Variants in JAM3 observed in about 807,000 individuals in gnomAD.
The protein encoded by JAM3 is junctional adhesion molecule 3.
JAM3 carries 31 observed loss-of-function variants against 39.4 expected under a neutral mutation model. The ratio of observed to expected loss-of-function variants is 0.79; its 90% CI spans 0.59 to 1.06. The LOEUF (loss-of-function observed/expected upper bound fraction) is 1.06. JAM3 is among the 50% of genes least tolerant of loss of function. The pLI, the probability that JAM3 is intolerant of heterozygous loss-of-function variation, is 0.00. For missense variants in JAM3, 455 were observed against 391.4 expected, an observed-to-expected ratio of 1.16 and a Z score of -1.37; for synonymous variants, 182 against 148.7, an observed-to-expected ratio of 1.22 and a Z score of -1.63.
intron 1 of JAM3, among the ~76,000 whole-genome samples, chr11:134,114,281 CTGAA>C (rs1942378554): frequency 6.6e-6 from 1 of 152,010 alleles, no homozygotes; most frequent in Non-Finnish European, 1.5e-5. Flanking sequence ...TGCCTATGTC[CTGAA>C]TGGTTTTCTT....
At chr11:134,139,703 T>C (rs1227156526) in intron 1 of JAM3, 148 bp from the exon 2 acceptor site, 5 of 689,164 alleles carry the variant, frequency 7.3e-6, no homozygotes, top group Non-Finnish European at 1.3e-5. Flanking sequence ...TAACTTGGCT[T>C]ACCTAAGAGA....
At chr11:134,128,899 A>G (rs1470307571) in intron 1 of JAM3, among the ~76,000 whole-genome samples, 1 of 152,054 alleles carries the variant, frequency 6.6e-6, no homozygotes, top group Non-Finnish European at 1.5e-5. Flanking sequence ...TCCCCTCTGT[A>G]TTAGTTTACT....
chr11:134,145,783 T>C (rs1943059746), intron 5 of JAM3, among the ~76,000 whole-genome samples, 163 bp from the exon 6 acceptor site: 1 of 152,152 alleles, frequency 6.6e-6, no homozygotes, highest in African/African-American at 2.4e-5. Flanking sequence ...TGGGGAGCTG[T>C]CAGGCAGGTA....
intron 1 of JAM3, among the ~76,000 whole-genome samples, chr11:134,129,875 G>T (rs577293774): frequency 6.6e-6 from 1 of 152,040 alleles, no homozygotes; most frequent in Non-Finnish European, 1.5e-5. Flanking sequence ...GGTGGCAGGC[G>T]CCTACAGTCC....
At chr11:134,071,399 G>A (rs766918924) in intron 1 of JAM3, among the ~76,000 whole-genome samples, 11 of 152,130 alleles carry the variant, frequency 7.2e-5, no homozygotes, top group Non-Finnish European at 1.3e-4. Flanking sequence ...TCCATTTGAC[G>A]GTGGAGTTCT....
intron 1 of JAM3, among the ~76,000 whole-genome samples, chr11:134,114,376 G>A (rs752578411): frequency 2.6e-5 from 4 of 152,096 alleles, no homozygotes; most frequent in Non-Finnish European, 5.9e-5. Flanking sequence ...TGTGAGGAAC[G>A]GATCCAGTTT....
At chr11:134,128,080 GGAAAA>G (rs1385901667) in intron 1 of JAM3, among the ~76,000 whole-genome samples, 54 of 152,018 alleles carry the variant, frequency 3.6e-4, no homozygotes, top group Non-Finnish European at 2.4e-4. Context: ...AAAAAAAAAA[GGAAAA>G]GAAAGAAAAA....
At chr11:134,120,485 C>CATTA (rs1176973305) in intron 1 of JAM3, among the ~76,000 whole-genome samples, 2 of 152,148 alleles carry the variant, frequency 1.3e-5, no homozygotes, top group Non-Finnish European at 2.9e-5. Flanking sequence ...AGTATAAACC[C>CATTA]AAATTAATTT....
intron 1 of JAM3, among the ~76,000 whole-genome samples, chr11:134,074,655 A>G (rs140046926): frequency 1.1e-4 from 16 of 152,266 alleles, no homozygotes; most frequent in African/African-American, 3.9e-4. Context: ...TTTTGAACAC[A>G]CTGACAAAAC....
At chr11:134,128,682 A>G (rs1942702716) in intron 1 of JAM3, among the ~76,000 whole-genome samples, 1 of 151,916 alleles carries the variant, frequency 6.6e-6, no homozygotes, top group African/African-American at 2.4e-5. Flanking sequence ...CTTTGTGAAG[A>G]AGGTGCCTGC....
chr11:134,118,035 G>A (rs1052061790), intron 1 of JAM3, among the ~76,000 whole-genome samples: 1 of 152,196 alleles, frequency 6.6e-6, no homozygotes, highest in Non-Finnish European at 1.5e-5. Context: ...GTAATCACAT[G>A]CAAATAGTGT....
At chr11:134,108,699 C>T (rs1011135203) in intron 1 of JAM3, among the ~76,000 whole-genome samples, 4 of 152,134 alleles carry the variant, frequency 2.6e-5, no homozygotes, top group Non-Finnish European at 4.4e-5. Flanking sequence ...CACCATATTA[C>T]ATTCTCAACA....
chr11:134,127,362 C>T (rs530511821), intron 1 of JAM3, among the ~76,000 whole-genome samples: 3 of 152,292 alleles, frequency 2.0e-5, no homozygotes, highest in Non-Finnish European at 2.9e-5. Context: ...GCCCTGGTTT[C>T]AAGAATAAGA....
In JAM3 at chr11:134,150,115, C is replaced by T. The variant is rs1445971394; in HGVS notation, c.*934C>T. The T allele has an allele frequency of 2.6e-5, 4 of 154,738 alleles. No individual in the cohort carries two copies. Among genetic ancestry groups the T allele is most frequent in the East Asian group, 1.9e-4 (1 of 5,270 alleles). 9.6% of individuals were successfully genotyped at this position (154,738 alleles called of 1,614,324 possible). On this transcript the variant is annotated 3_prime_UTR_variant, in exon 9 of 9. Transcript: ENST00000299106. ...TTAAGAGTATTTTACCCAAGGAATC[C>T]TCTCATGGAAGTTTACTGTGATGTT...
At chr11:134,077,149 T>C (rs538662419) in intron 1 of JAM3, among the ~76,000 whole-genome samples, 1 of 152,090 alleles carries the variant, frequency 6.6e-6, no homozygotes, top group Admixed American at 6.6e-5. Flanking sequence ...TTTTGATTAT[T>C]TAATAGCCAT....
Position 134,134,410 on chromosome 11 carries a change from A to C in JAM3, c.77-5441A>C, listed in dbSNP as rs1019207331. On this transcript the variant is annotated intron_variant, in intron 1 of 8. Transcript: ENST00000299106. ...ACAGGATAAATGCCAAAAAAAAAAAAAAAAAAAAAAAACATCTAGGCATAT... is the reference window on the plus strand; with the variant it reads ...ACAGGATAAATGCCAAAAAAAAAAACAAAAAAAAAAAACATCTAGGCATAT... 6.6e-5 allele frequency among the ~76,000 whole-genome samples: 10 copies of C among 151,140 alleles called. No individual in the cohort carries two copies. In the East Asian group the frequency reaches 9.6e-4, roughly 15 times the overall value.
At chr11:134,132,272 T>C (rs1291910240) in intron 1 of JAM3, among the ~76,000 whole-genome samples, 1 of 152,198 alleles carries the variant, frequency 6.6e-6, no homozygotes, top group African/African-American at 2.4e-5. Context: ...AGTGGGGTGA[T>C]ATATTTAAAG....
intron 1 of JAM3, among the ~76,000 whole-genome samples, chr11:134,117,248 G>T (rs534715752): frequency 6.6e-6 from 1 of 152,012 alleles, no homozygotes; most frequent in East Asian, 1.9e-4. Context: ...ATGGTGGTGG[G>T]CACCTGTAAT....
At chr11:134,105,051 AAAAG>A (rs1287120571) in intron 1 of JAM3, among the ~76,000 whole-genome samples, 11 of 152,262 alleles carry the variant, frequency 7.2e-5, no homozygotes, top group South Asian at 2.1e-4. Context: ...GAGACACAAA[AAAAG>A]AGAATTTTAG....
Sources: gnomAD v4.1 joint callset for allele counts (sites outside exome capture counted in the v4.1 genomes callset) on GRCh38, gnomAD v4.1.1 for gene constraint, MANE v1.5 for transcripts, NCBI Gene and HGNC (gene_info 2026-07-23, HGNC 2026-07-21) for gene names.